Variants in NOX4 observed in about 807,000 individuals in gnomAD.
NOX4 encodes NADPH oxidase 4.
NOX4 carries 69 observed loss-of-function variants against 87.6 expected under a neutral mutation model. That is an observed-to-expected ratio of 0.79 (90% CI 0.65 to 0.96). NOX4 has a LOEUF of 0.96. Ranked by LOEUF, NOX4 falls within the 40% of genes least tolerant of loss-of-function variation. NOX4 has a pLI of 0.00. For synonymous variants in NOX4, 275 were observed against 238.2 expected (o/e 1.15, Z -1.42); for missense variants, 680 against 681.5 (o/e 1.00, Z 0.02).
At chr11:89,509,110 C>A in the NOX4 span, among the ~76,000 whole-genome samples, 1 of 151,880 alleles carries the variant, frequency 6.6e-6, no homozygotes, top group Non-Finnish European at 1.5e-5. Context: ...GAATCAGAAA[C>A]AATAAGCACA....
the NOX4 span, among the ~76,000 whole-genome samples, chr11:89,575,459 GAAATTGAGTA>G: frequency 6.6e-6 from 1 of 152,008 alleles, no homozygotes; most frequent in African/African-American, 2.4e-5. Context: ...CAAAATGAGA[GAAATTGAGTA>G]AAATAATCTG....
chr11:89,534,919 C>T, the NOX4 span, among the ~76,000 whole-genome samples: 1 of 152,172 alleles, frequency 6.6e-6, no homozygotes, highest in Non-Finnish European at 1.5e-5. Context: ...GGATAACTAT[C>T]GATTCTGAGG....
intron 11 of NOX4, among the ~76,000 whole-genome samples, chr11:89,386,120 C>A (rs1403204018): frequency 1.3e-5 from 2 of 152,134 alleles, no homozygotes; most frequent in Admixed American, 6.5e-5. Context: ...TTACCACTTG[C>A]CCTTCTCAGA....
At chr11:89,387,364 T>C (rs539202) in intron 11 of NOX4, among the ~76,000 whole-genome samples, 85,720 of 151,460 alleles carry the variant, frequency 0.57, 26,133 homozygotes, top group African/African-American at 0.79. Context: ...GTGACCCCCA[T>C]CCCTGCCCGC....
At chr11:89,415,696 C>T (rs1365183458) in intron 8 of NOX4, among the ~76,000 whole-genome samples, 3 of 151,964 alleles carry the variant, frequency 2.0e-5, no homozygotes, top group Non-Finnish European at 4.4e-5. Flanking sequence ...TGTTAAAAAC[C>T]CCTATCCTAT....
At chr11:89,475,833 A>T (rs138069954) in intron 2 of NOX4, among the ~76,000 whole-genome samples, 2 of 152,160 alleles carry the variant, frequency 1.3e-5, no homozygotes, top group African/African-American at 2.4e-5. Context: ...ACCCTTTAAC[A>T]CTACTAACTG....
chr11:89,349,002 A>T (rs1331424549), intron 13 of NOX4, among the ~76,000 whole-genome samples: 1 of 152,142 alleles, frequency 6.6e-6, no homozygotes, highest in Non-Finnish European at 1.5e-5. Flanking sequence ...AACAAAAATA[A>T]CTTGGGCCAG....
intron 2 of NOX4, among the ~76,000 whole-genome samples, chr11:89,455,884 T>C (rs1034905906): frequency 2.6e-5 from 4 of 151,736 alleles, no homozygotes; most frequent in Non-Finnish European, 5.9e-5. Flanking sequence ...AAAAAAGAAA[T>C]TGAACTCATG....
chr11:89,578,126 T>G, the NOX4 span, among the ~76,000 whole-genome samples: 13 of 151,948 alleles, frequency 8.6e-5, no homozygotes, highest in East Asian at 5.8e-4. Flanking sequence ...ATGCTTGGAA[T>G]TTTTACATGT....
At chr11:89,376,247 T>C (rs1939827313) in intron 11 of NOX4, among the ~76,000 whole-genome samples, 1 of 152,212 alleles carries the variant, frequency 6.6e-6, no homozygotes, top group Admixed American at 6.6e-5. Flanking sequence ...TCTTTAAGCA[T>C]GTAACCTCAT....
chr11:89,417,362 G>T (rs1942840837), intron 8 of NOX4, among the ~76,000 whole-genome samples: 1 of 152,146 alleles, frequency 6.6e-6, no homozygotes, highest in Non-Finnish European at 1.5e-5. Flanking sequence ...AAGAGGAAAT[G>T]GTTTTGTTTT....
chr11:89,427,918 C>A (rs1218813372), intron 7 of NOX4, among the ~76,000 whole-genome samples: 1 of 152,136 alleles, frequency 6.6e-6, no homozygotes, highest in East Asian at 1.9e-4. Context: ...ACATAATTGT[C>A]AGATTCACCA....
At chr11:89,389,917 T>C (rs1941011833) in intron 11 of NOX4, among the ~76,000 whole-genome samples, 1 of 152,132 alleles carries the variant, frequency 6.6e-6, no homozygotes, top group Non-Finnish European at 1.5e-5. Context: ...ACGTGTCTCA[T>C]AGGAATATAA....
rs570744547 is a variant in NOX4, at chr11:89,416,259, A to C, written c.629+5643T>G. On this transcript the variant is annotated intron_variant, in intron 8 of 17. Transcript: ENST00000263317. Reference sequence around the variant, plus strand: ...GAAAAGAACATAGAGGAAAGTAAAAATTTTCTCCCTCAGTACTAGAATAGG... The same window carrying C: ...GAAAAGAACATAGAGGAAAGTAAAACTTTTCTCCCTCAGTACTAGAATAGG... Among the ~76,000 whole-genome samples the C allele has an allele frequency of 4.6e-5, 7 of 152,256 alleles. No individual in the cohort carries two copies. In the East Asian group the frequency reaches 1.2e-3, roughly 25 times the overall value.
intron 6 of NOX4, among the ~76,000 whole-genome samples, chr11:89,436,237 T>C (rs191972487): frequency 6.6e-6 from 1 of 152,172 alleles, no homozygotes; most frequent in Admixed American, 6.6e-5. Flanking sequence ...CGGCATTAAG[T>C]GCTGTAAAGA....
At chr11:89,531,591 C>A in the NOX4 span, among the ~76,000 whole-genome samples, 2 of 152,146 alleles carry the variant, frequency 1.3e-5, no homozygotes, top group Admixed American at 1.3e-4. Flanking sequence ...GTCATGGGGG[C>A]AGTTTTCCCC....
intron 11 of NOX4, among the ~76,000 whole-genome samples, chr11:89,391,572 A>G (rs1343954503): frequency 6.6e-6 from 1 of 151,884 alleles, no homozygotes; most frequent in Non-Finnish European, 1.5e-5. Flanking sequence ...CCTGGGCAAC[A>G]TAGCGAGGCC....
At chr11:89,502,905 A>G (rs996902414), upstream of NOX4, among the ~76,000 whole-genome samples, 2 of 152,034 alleles carry the variant, frequency 1.3e-5, no homozygotes, top group African/African-American at 4.8e-5. Flanking sequence ...TGATTCAAAC[A>G]CTTCAAAAAT....
intron 17 of NOX4, among the ~76,000 whole-genome samples, chr11:89,335,599 C>A (rs1188975038): frequency 3.3e-5 from 5 of 151,634 alleles, no homozygotes; most frequent in African/African-American, 1.2e-4. Flanking sequence ...AATTTATAAT[C>A]AGATAGGAGA....
Sources: allele counts gnomAD v4.1 joint callset (sites outside exome capture counted in the v4.1 genomes callset), GRCh38; gene constraint gnomAD v4.1.1; transcripts MANE v1.5; gene names NCBI Gene and HGNC (gene_info 2026-07-23, HGNC 2026-07-21).